The following AKT3 variants were observed in gnomAD, a reference collection of about 807,000 sequenced individuals.
AKT3 encodes the protein AKT serine/threonine kinase 3.
AKT3 carries 15 observed loss-of-function variants against 65.3 expected under a neutral mutation model. The ratio of observed to expected loss-of-function variants is 0.23; its 90% CI spans 0.15 to 0.35. The LOEUF (loss-of-function observed/expected upper bound fraction) is 0.35. AKT3 is among the 10% of genes least tolerant of loss of function. The probability of loss-of-function intolerance (pLI) is 1.00; values close to 1 mark genes in which losing one functional copy is unlikely to be tolerated. For missense variants in AKT3, 243 were observed against 576.5 expected, an observed-to-expected ratio of 0.42 and a Z score of 5.92; for synonymous variants, 206 against 183.8, an observed-to-expected ratio of 1.12 and a Z score of -0.98.
At chr1:243,783,795 G>A (rs902790190) in intron 2 of AKT3, among the ~76,000 whole-genome samples, 4 of 151,946 alleles carry the variant, frequency 2.6e-5, no homozygotes, top group South Asian at 2.1e-4. Flanking sequence ...AAGATCAAAC[G>A]AGTTTATACA....
At chr1:243,768,831 CAA>C (rs1360543117) in intron 2 of AKT3, among the ~76,000 whole-genome samples, 6 of 78,142 alleles carry the variant, frequency 7.7e-5, no homozygotes, top group African/African-American at 1.4e-4. Context: ...TGATCCGCCA[CAA>C]AAAAAAAAAA....
chr1:243,495,820 C>G (rs1667712181), downstream of AKT3, among the ~76,000 whole-genome samples: 1 of 152,278 alleles, frequency 6.6e-6, no homozygotes, highest in Admixed American at 6.5e-5. Context: ...ATCCAGGTTG[C>G]CTTCCCAATT....
intron 6 of AKT3, among the ~76,000 whole-genome samples, chr1:243,624,215 G>A (rs895218437): frequency 2.6e-5 from 4 of 152,188 alleles, no homozygotes; most frequent in African/African-American, 4.8e-5. Flanking sequence ...CCAATGGCAT[G>A]AGACGGCAGC....
At chr1:243,587,725 C>G (rs1675912150) in intron 8 of AKT3, among the ~76,000 whole-genome samples, 1 of 152,036 alleles carries the variant, frequency 6.6e-6, no homozygotes, top group Non-Finnish European at 1.5e-5. Context: ...GGCCTTCCAA[C>G]CAGGTTGAAG....
chr1:243,745,662 T>C (rs1404623078), intron 2 of AKT3, among the ~76,000 whole-genome samples: 1 of 152,150 alleles, frequency 6.6e-6, no homozygotes, highest in Non-Finnish European at 1.5e-5. Flanking sequence ...TCAACACAAT[T>C]CACGAGCTTA....
rs558765722 is a variant in AKT3, at chr1:243,648,261, A to G, written c.285-2224T>C. 1.3e-3 allele frequency among the ~76,000 whole-genome samples: 193 copies of G among 151,954 alleles called. 1 individual carries two copies. Among genetic ancestry groups the G allele is most frequent in the South Asian group, 9.3e-3 (45 of 4,820 alleles). ...TGACAGAGCAAGACTCCGTCTAAAA[A>G]AAAAAAAAAGAAAAGAAAAGAAAAA... is the stretch of plus-strand genomic sequence containing the variant. On this transcript the variant is annotated intron_variant, in intron 4 of 13. Coordinates refer to ENST00000673466, the MANE Select transcript of AKT3 (RefSeq NM_005465.7).
chr1:243,849,605 C>G (rs1424341116), intron 1 of AKT3, among the ~76,000 whole-genome samples: 2 of 151,996 alleles, frequency 1.3e-5, no homozygotes, highest in Non-Finnish European at 2.9e-5. Flanking sequence ...CTCGCCGCCG[C>G]CCCCGGTCCA....
At chr1:243,489,710 T>TAA (rs1665900599) in intron 13 of AKT3, among the ~76,000 whole-genome samples, 1 of 152,152 alleles carries the variant, frequency 6.6e-6, no homozygotes, top group African/African-American at 2.4e-5. Flanking sequence ...GATGCTGACT[T>TAA]TATTGTCTTC....
chr1:243,834,988 T>A (rs530514071), intron 2 of AKT3, among the ~76,000 whole-genome samples: 20 of 152,166 alleles, frequency 1.3e-4, no homozygotes, highest in Non-Finnish European at 2.4e-4. Flanking sequence ...GGGGCAAATA[T>A]AAATATAGCA....
chr1:243,679,653 T>C (rs1041059594), intron 3 of AKT3, among the ~76,000 whole-genome samples: 7 of 152,208 alleles, frequency 4.6e-5, no homozygotes, highest in African/African-American at 7.2e-5. Context: ...AAAGTGTTCA[T>C]TGGCCAAAAT....
At chr1:243,496,156 A>G (rs1667800340), downstream of AKT3, among the ~76,000 whole-genome samples, 1 of 152,252 alleles carries the variant, frequency 6.6e-6, no homozygotes, top group Non-Finnish European at 1.5e-5. Flanking sequence ...GTACAGATAG[A>G]AAAATAAGGC....
At chr1:243,602,538 G>A (rs74153922) in intron 8 of AKT3, among the ~76,000 whole-genome samples, 1,528 of 152,182 alleles carry the variant, frequency 0.01, 19 homozygotes, top group African/African-American at 0.035. Flanking sequence ...TTAGTAAGGA[G>A]AACTAGAATA....
rs1671117704 is a variant in AKT3 at position 243,526,778 on chromosome 1, T to TAAAAAAAAAAAAAAAAAAAAAA, written c.1252-14353_1252-14352insTTTTTTTTTTTTTTTTTTTTTT. On this transcript the variant is annotated intron_variant, in intron 12 of 13. Transcript: ENST00000673466. Reference sequence around the variant, plus strand: ...TTGCCAGCTGCACTACAAAAAATGGTTAAAAAAAAAAAAAAAAAAAAAAAA... The same window carrying TAAAAAAAAAAAAAAAAAAAAAA: ...TTGCCAGCTGCACTACAAAAAATGGTAAAAAAAAAAAAAAAAAAAAAATAAAAAAAAAAAAAAAAAAAAAAAA... Among the ~76,000 whole-genome samples the TAAAAAAAAAAAAAAAAAAAAAA allele has an allele frequency of 3.6e-4, 20 of 55,724 alleles. 7 individuals are homozygous for TAAAAAAAAAAAAAAAAAAAAAA. The highest frequency in any genetic ancestry group is 0.029 in the Middle Eastern group (2 of 70). The allele number at this position is 55,724 out of a possible 152,430, so 36.6% of individuals were successfully genotyped here.
intron 6 of AKT3, among the ~76,000 whole-genome samples, chr1:243,620,374 A>G (rs1678639925): frequency 2.2e-5 from 1 of 45,712 alleles, no homozygotes; most frequent in Non-Finnish European, 1.0e-4. Context: ...GTGAGAATGA[A>G]CTAATACAGA....
intron 2 of AKT3, among the ~76,000 whole-genome samples, chr1:243,763,972 C>T (rs1689653254): frequency 6.6e-6 from 1 of 152,036 alleles, no homozygotes; most frequent in East Asian, 1.9e-4. Context: ...TTAACATGAA[C>T]ACCCTCCAGT....
At chr1:243,518,634 A>C (rs1288001751) in intron 12 of AKT3, among the ~76,000 whole-genome samples, 1 of 152,176 alleles carries the variant, frequency 6.6e-6, no homozygotes, top group Non-Finnish European at 1.5e-5. Context: ...AACAACAAAA[A>C]AAAACTGCCA....
chr1:243,823,881 T>C (rs977434160), intron 2 of AKT3, among the ~76,000 whole-genome samples: 2 of 152,178 alleles, frequency 1.3e-5, no homozygotes, highest in Admixed American at 6.5e-5. Flanking sequence ...TACCATTGAC[T>C]TTCCTCACAT....
chr1:243,616,117 T>A (rs1678288416), intron 6 of AKT3, among the ~76,000 whole-genome samples: 1 of 151,682 alleles, frequency 6.6e-6, no homozygotes, highest in African/African-American at 2.4e-5. Context: ...AATAAGTTCT[T>A]TAGTGGTGAT....
At chr1:243,719,205 A>G (rs937444427) in intron 2 of AKT3, among the ~76,000 whole-genome samples, 4 of 152,176 alleles carry the variant, frequency 2.6e-5, no homozygotes, top group African/African-American at 9.7e-5. Context: ...AAAAACCGAT[A>G]GTGTTTAAAT....
Sources: allele counts gnomAD v4.1 joint callset (sites outside exome capture counted in the v4.1 genomes callset), GRCh38; gene constraint gnomAD v4.1.1; transcripts MANE v1.5; gene names NCBI Gene and HGNC (gene_info 2026-07-23, HGNC 2026-07-21).